FAM163B: variants seen among roughly 807,000 people sequenced by gnomAD.
FAM163B encodes the protein family with sequence similarity 163 member B.
In FAM163B, 4 loss-of-function variants were observed where a neutral mutation model predicts 7.6. That is an observed-to-expected ratio of 0.52 (90% CI 0.26 to 1.20). The LOEUF (loss-of-function observed/expected upper bound fraction) is 1.20. FAM163B is among the 50% of genes most tolerant of loss of function. The pLI is 0.14. For synonymous variants in FAM163B, 120 were observed against 111.6 expected (o/e 1.07, Z -0.47); for missense variants, 250 against 243.0 (o/e 1.03, Z -0.19).
Position 133,579,356 on chromosome 9 carries a change from G to T in FAM163B, c.167C>A (p.Pro56His). 6.2e-7 allele frequency: 1 copy of T among 1,613,118 alleles called. No homozygotes were observed. The highest frequency in any genetic ancestry group is 8.5e-7 in the Non-Finnish European group (1 of 1,179,792). ...CAGGTTGCGGTTGGAGTGCAGCGGG[G>T]GCAGGTGCGAGTGAACGGCGAAGTC... Reference protein sequence around the residue: ...EPDFAVHSHLPPLHSNRNLVL... With the variant: ...EPDFAVHSHLHPLHSNRNLVL... The change falls in exon 3 of 3, where the codon CCC becomes CAC. Residue 56 changes from proline (P) to histidine (H), a missense_variant. Pro to His is a moderately conservative substitution (Grantham distance 77). Transcript: ENST00000673969.
At chr9:133,595,379 C>T (rs7390647) in intron 1 of FAM163B, among the ~76,000 whole-genome samples, 9,904 of 152,284 alleles carry the variant, frequency 0.065, 485 homozygotes, top group Admixed American at 0.15. Context: ...CTCTTGACCT[C>T]AAGTGATGAT....
intron 1 of FAM163B, among the ~76,000 whole-genome samples, chr9:133,598,322 G>A (rs887800158): frequency 5.3e-5 from 8 of 151,798 alleles, no homozygotes; most frequent in Admixed American, 2.0e-4. Flanking sequence ...ACAGGGTGGG[G>A]TGTGAGGCAT....
chr9:133,609,198 G>T lies in FAM163B; in HGVS notation c.-145C>A, dbSNP rs1831824049. Reference sequence around the variant, plus strand: ...CGGCCGCTCATGCCCAGGCCACGGCGGTGGCGCCTGGTGTGGCTGGGCGGG... The same window carrying T: ...CGGCCGCTCATGCCCAGGCCACGGCTGTGGCGCCTGGTGTGGCTGGGCGGG... On this transcript the variant is annotated 5_prime_UTR_variant, in exon 1 of 3. Coordinates refer to ENST00000673969, the MANE Select transcript of FAM163B (RefSeq NM_001080515.3). Among the ~76,000 whole-genome samples, 1 of 151,660 alleles carries T rather than the reference G, an allele frequency of 6.6e-6. No homozygotes were observed. The highest frequency in any genetic ancestry group is 2.4e-5 in the African/African-American group (1 of 41,394).
intron 1 of FAM163B, among the ~76,000 whole-genome samples, chr9:133,585,691 G>C (rs1831425313): frequency 6.6e-6 from 1 of 152,222 alleles, no homozygotes. Context: ...ACACACAGAC[G>C]TCCCGACGGC....
chr9:133,588,537 C>T (rs1292115789), intron 1 of FAM163B, among the ~76,000 whole-genome samples: 1 of 794 alleles, frequency 1.3e-3, no homozygotes, highest in Non-Finnish European at 2.5e-3. Flanking sequence ...GGGGTGGGCT[C>T]AATGGTACAG....
chr9:133,594,962 G>A (rs1328778514), intron 1 of FAM163B, among the ~76,000 whole-genome samples: 1 of 152,170 alleles, frequency 6.6e-6, no homozygotes, highest in Non-Finnish European at 1.5e-5. Context: ...GAGGTCAGCA[G>A]AGACCCCGCA....
At position 133,578,734 on chromosome 9, in the gene FAM163B, G is replaced by A. The variant is rs891561058; in HGVS notation, c.*288C>T. On this transcript the variant is annotated 3_prime_UTR_variant, in exon 3 of 3. Transcript: ENST00000673969. ...GACAGAATCATCAGGAGTAACGGTG[G>A]CCTCTGTGCCTGAGAGCCCTGGTGC... is the stretch of plus-strand genomic sequence containing the variant. The A allele has an allele frequency of 1.1e-5, 5 of 448,600 alleles. No homozygotes were observed. The highest frequency in any genetic ancestry group is 2.0e-5 in the African/African-American group (1 of 50,342). The allele number at this position is 448,600 out of a possible 1,614,324, so 27.8% of individuals were successfully genotyped here.
chr9:133,589,244 G>A (rs1281091529), intron 1 of FAM163B, among the ~76,000 whole-genome samples: 1 of 152,118 alleles, frequency 6.6e-6, no homozygotes, highest in Non-Finnish European at 1.5e-5. Context: ...ATAATAATAA[G>A]CACAGGATCC....
At chr9:133,585,564 C>T (rs1193929378) in intron 1 of FAM163B, among the ~76,000 whole-genome samples, 2 of 152,262 alleles carry the variant, frequency 1.3e-5, no homozygotes, top group East Asian at 1.9e-4. Context: ...GCCCAGCGCT[C>T]GTGGTAGGAG....
intron 1 of FAM163B, among the ~76,000 whole-genome samples, chr9:133,602,522 G>C (rs1018822602): frequency 2.0e-5 from 3 of 152,146 alleles, no homozygotes; most frequent in Non-Finnish European, 4.4e-5. Context: ...AGAAGGGCCA[G>C]CAGCGAACAG....
chr9:133,587,973 G>A lies in FAM163B; in HGVS notation c.-23-7727C>T, dbSNP rs1264571158. On this transcript the variant is annotated intron_variant, in intron 1 of 2. Transcript: ENST00000673969. ...TGGGCGAACGGGGGCGCGAACGGGG[G>A]GCGAGCCTGGGAGGGGAGGGGAGGG... 4.7e-3 allele frequency among the ~76,000 whole-genome samples: 707 copies of A among 151,420 alleles called. 4 individuals are homozygous for A. Among genetic ancestry groups the A allele is most frequent in the South Asian group, 0.014 (65 of 4,760 alleles).
In FAM163B at chr9:133,577,481, C is replaced by T. The variant is rs1181203510; in HGVS notation, c.*1541G>A. ...ACATAACGATTGTGACTTCGTCAGCCGTTCCCCCGACGCCTCTGGAAACTG... is the reference window on the plus strand; with the variant it reads ...ACATAACGATTGTGACTTCGTCAGCTGTTCCCCCGACGCCTCTGGAAACTG... On this transcript the variant is annotated 3_prime_UTR_variant, in exon 3 of 3. Transcript: ENST00000673969. Among the ~76,000 whole-genome samples the T allele has an allele frequency of 2.6e-5, 4 of 152,244 alleles. No homozygotes were observed. The highest frequency in any genetic ancestry group is 7.2e-5 in the African/African-American group (3 of 41,462).
chr9:133,586,380 C>T (rs1831438269), intron 1 of FAM163B, among the ~76,000 whole-genome samples: 1 of 152,230 alleles, frequency 6.6e-6, no homozygotes, highest in Admixed American at 6.5e-5. Flanking sequence ...GGGACTGGTG[C>T]TGCCGGGCTT....
chr9:133,591,140 G>A (rs1338939864), intron 1 of FAM163B, among the ~76,000 whole-genome samples: 5 of 152,308 alleles, frequency 3.3e-5, no homozygotes, highest in African/African-American at 1.2e-4. Flanking sequence ...GGTCTACCTT[G>A]CACTGCCATG....
Position 133,606,773 on chromosome 9 carries a change from G to A in FAM163B, c.-24+2304C>T, listed in dbSNP as rs372259733. Reference sequence around the variant, plus strand: ...GCTGCTCTGCCTCCCCTCCTGCCCCGAGAGTTTAGAGTCAGAGGTAATTGA... The same window carrying A: ...GCTGCTCTGCCTCCCCTCCTGCCCCAAGAGTTTAGAGTCAGAGGTAATTGA... On this transcript the variant is annotated intron_variant, in intron 1 of 2. Transcript: ENST00000673969. The surrounding 1 kb of genome is among the most constrained non-coding windows in gnomAD (Gnocchi z 4.0). 2.6e-5 allele frequency among the ~76,000 whole-genome samples: 4 copies of A among 152,268 alleles called. No homozygotes were observed. The highest frequency in any genetic ancestry group is 3.9e-4 in the East Asian group (2 of 5,176).
At chr9:133,580,454 C>T (rs1389529267) in intron 1 of FAM163B, among the ~76,000 whole-genome samples, 1 of 152,256 alleles carries the variant, frequency 6.6e-6, no homozygotes, top group East Asian at 1.9e-4. Flanking sequence ...GCCCCTCTCC[C>T]AGCCTCAGCT....
chr9:133,594,202 G>GC (rs1831597784), intron 1 of FAM163B, among the ~76,000 whole-genome samples: 1 of 152,204 alleles, frequency 6.6e-6, no homozygotes, highest in East Asian at 1.9e-4. Context: ...TTCCCGTAAG[G>GC]CATCCCCATC....
At chr9:133,580,057 C>T (rs1369244890) in intron 2 of FAM163B, 74 bp downstream of exon 2, 24 of 1,296,434 alleles carry the variant, frequency 1.9e-5, no homozygotes, top group South Asian at 2.4e-5. Context: ...GACCTTCAGG[C>T]GGGGCTCCCT....
chr9:133,580,553 TCAATGAATGGCGC>T (rs1831341514), intron 1 of FAM163B, among the ~76,000 whole-genome samples: 1 of 152,226 alleles, frequency 6.6e-6, no homozygotes, highest in South Asian at 2.1e-4. Flanking sequence ...TAGCATGCTG[TCAATGAATGGCGC>T]CCTTCCAGCC....
Sources: allele counts gnomAD v4.1 joint callset (sites outside exome capture counted in the v4.1 genomes callset), GRCh38; gene constraint gnomAD v4.1.1; non-coding constraint Gnocchi (gnomAD v3.1); transcripts MANE v1.5; gene names NCBI Gene and HGNC (gene_info 2026-07-23, HGNC 2026-07-21).